The following MINPP1 variants were observed in gnomAD, a reference collection of about 807,000 sequenced individuals.
MINPP1 encodes multiple inositol-polyphosphate phosphatase 1.
In MINPP1, 28 loss-of-function variants were observed where a neutral mutation model predicts 46.1. The observed-to-expected ratio is 0.61, with a 90% CI of 0.45 to 0.83. The LOEUF is 0.83. Among genes scored for constraint, MINPP1 ranks in the 40% least tolerant of loss-of-function variants. The pLI is 0.00. For synonymous variants in MINPP1, 268 were observed against 249.1 expected (o/e 1.08, Z -0.72); for missense variants, 603 against 610.0 (o/e 0.99, Z 0.12).
intron 4 of MINPP1, among the ~76,000 whole-genome samples, chr10:87,551,823 G>T (rs1333367198): frequency 6.6e-6 from 1 of 151,994 alleles, no homozygotes; most frequent in Non-Finnish European, 1.5e-5. Flanking sequence ...TAAACTTAAA[G>T]GAAAATATGT....
At chr10:87,524,031 C>T (rs1851539657) in intron 4 of MINPP1, among the ~76,000 whole-genome samples, 1 of 152,208 alleles carries the variant, frequency 6.6e-6, no homozygotes, top group South Asian at 2.1e-4. Flanking sequence ...TTGGCTTCAA[C>T]TTACAGTCAG....
rs975893685 is a variant in MINPP1, at chr10:87,505,903, A to C, written c.637+351A>C. ...AACTGAATTGCCCCTTCGAGCGCCA[A>C]CCCATCCCTTCCCCCTTCCCTGGCG... is the stretch of plus-strand genomic sequence containing the variant. On this transcript the variant is annotated intron_variant, in intron 1 of 4. Coordinates refer to ENST00000371996, the MANE Select transcript of MINPP1 (RefSeq NM_004897.5). This position sits in a 1 kb window ranked among gnomAD's most constrained non-coding sequence, Gnocchi z 4.4. Among the ~76,000 whole-genome samples the C allele has an allele frequency of 6.6e-6, 1 of 151,626 alleles. No homozygotes were observed. The highest frequency in any genetic ancestry group is 1.5e-5 in the Non-Finnish European group (1 of 67,930).
At chr10:87,548,237 T>C (rs1416598853) in intron 4 of MINPP1, among the ~76,000 whole-genome samples, 1 of 152,186 alleles carries the variant, frequency 6.6e-6, no homozygotes, top group Non-Finnish European at 1.5e-5. Context: ...ATTTGTTCTC[T>C]GGGTTTCTCT....
chr10:87,531,999 T>G (rs1851667006), intron 4 of MINPP1, among the ~76,000 whole-genome samples: 1 of 152,212 alleles, frequency 6.6e-6, no homozygotes. Flanking sequence ...AAGCACTTAG[T>G]ATAATATGAT....
At chr10:87,522,722 T>A (rs930569424) in intron 4 of MINPP1, among the ~76,000 whole-genome samples, 1 of 152,232 alleles carries the variant, frequency 6.6e-6, no homozygotes, top group African/African-American at 2.4e-5. Flanking sequence ...AGAGTGGTGG[T>A]TGCTGAAGGC....
chr10:87,517,088 G>A (rs1851422140), intron 3 of MINPP1, among the ~76,000 whole-genome samples: 1 of 151,970 alleles, frequency 6.6e-6, no homozygotes, highest in African/African-American at 2.4e-5. Flanking sequence ...AAGAGAGAGA[G>A]GATCAGGAAA....
intron 4 of MINPP1, among the ~76,000 whole-genome samples, chr10:87,549,049 G>T (rs1324144796): frequency 1.3e-5 from 2 of 152,026 alleles, no homozygotes; most frequent in Non-Finnish European, 2.9e-5. Context: ...AAACTTCCTT[G>T]ATTTCCCATA....
chr10:87,544,065 A>G (rs1263397821), intron 4 of MINPP1, among the ~76,000 whole-genome samples: 2 of 152,230 alleles, frequency 1.3e-5, no homozygotes, highest in Non-Finnish European at 2.9e-5. Context: ...TTACAAGTTG[A>G]GGACTCAATC....
Position 87,504,978 on chromosome 10 carries a change from G to C in MINPP1, c.63G>C (p.Ala21=). The C allele has an allele frequency of 1.9e-6, 3 of 1,612,220 alleles. No homozygotes were observed. The highest frequency in any genetic ancestry group is 2.5e-6 in the Non-Finnish European group (3 of 1,179,622). Residue 21 remains alanine (A), a synonymous_variant, in exon 1 of 5, where the codon GCG becomes GCC. Coordinates refer to ENST00000371996, the MANE Select transcript of MINPP1 (RefSeq NM_004897.5). ...TSVAPAAALA[A]ALLSSLARCS... The stretch of plus-strand genomic sequence containing the variant: ...TAGCGCCTGCCGCGGCCCTGGCTGC[G>C]GCGCTGCTCTCGTCGCTTGCGCGCT...
intron 4 of MINPP1, among the ~76,000 whole-genome samples, chr10:87,524,275 C>T (rs1176942651): frequency 6.6e-6 from 1 of 152,176 alleles, no homozygotes; most frequent in African/African-American, 2.4e-5. Flanking sequence ...TTTCCTTAAA[C>T]CCCATGAGCT....
At chr10:87,519,556 A>T (rs539520090) in intron 3 of MINPP1, among the ~76,000 whole-genome samples, 1 of 152,256 alleles carries the variant, frequency 6.6e-6, no homozygotes, top group African/African-American at 2.4e-5. Context: ...CTACACTGCT[A>T]CCTTTGGAAG....
intron 4 of MINPP1, 37 bp downstream of exon 4, chr10:87,521,206 G>A: frequency 1.3e-6 from 2 of 1,569,244 alleles, no homozygotes; most frequent in Non-Finnish European, 1.7e-6. Flanking sequence ...TACATTTTGA[G>A]TTACTACTAA....
At chr10:87,519,135 A>G (rs924820903) in intron 3 of MINPP1, among the ~76,000 whole-genome samples, 4 of 62,306 alleles carry the variant, frequency 6.4e-5, no homozygotes, top group African/African-American at 1.6e-4. Flanking sequence ...AAAGACTACA[A>G]CAAGGGATAT....
At chr10:87,506,544 C>T (rs1851254214) in intron 1 of MINPP1, among the ~76,000 whole-genome samples, 1 of 152,054 alleles carries the variant, frequency 6.6e-6, no homozygotes, top group African/African-American at 2.4e-5. Context: ...AATAATTTGC[C>T]CATTTTCATA....
chr10:87,552,406 CA>C lies in MINPP1; in HGVS notation c.1393del (p.Ile465SerfsTer13), dbSNP rs1422269385. On this transcript the variant is annotated frameshift_variant, in exon 5 of 5. Transcript: ENST00000371996. LOFTEE classifies it high-confidence loss of function. ...AAGATCTGAAGAACCACTACAAGGACATCCTTCAGAGTTGTCAAACCAGTGA... is the reference window on the plus strand; with the variant it reads ...AAGATCTGAAGAACCACTACAAGGACTCCTTCAGAGTTGTCAAACCAGTGA... ...YEDLKNHYKD[I>X]LQSCQTSEEC... The C allele has an allele frequency of 6.2e-7, 1 of 1,613,412 alleles. No individual in the cohort carries two copies. Among genetic ancestry groups the C allele is most frequent in the Non-Finnish European group, 8.5e-7 (1 of 1,179,644 alleles).
At chr10:87,514,752 G>C (rs1430218037) in intron 3 of MINPP1, among the ~76,000 whole-genome samples, 2 of 152,116 alleles carry the variant, frequency 1.3e-5, no homozygotes, top group East Asian at 1.9e-4. Flanking sequence ...GTCTCTCTCT[G>C]TTGCCCAGGC....
Position 87,505,449 on chromosome 10 carries a change from G to A in MINPP1, c.534G>A (p.Arg178=). Residue 178 remains arginine, a synonymous_variant, in exon 1 of 5, where the codon CGG becomes CGA. Transcript: ENST00000371996. The surrounding 1 kb of genome is among the most constrained non-coding windows in gnomAD (Gnocchi z 4.4). ...LFSRENYGRL[R]LITSSKHRCM... ...GCCGTGAGAACTACGGCCGCCTGCG[G>A]CTCATCACCAGTTCCAAGCACCGCT... 6.2e-7 allele frequency: 1 copy of A among 1,613,376 alleles called. No individual in the cohort carries two copies. The highest frequency in any genetic ancestry group is 8.5e-7 in the Non-Finnish European group (1 of 1,179,604).
chr10:87,513,544 T>G (rs746084129), intron 3 of MINPP1, among the ~76,000 whole-genome samples: 3 of 152,214 alleles, frequency 2.0e-5, no homozygotes, highest in Non-Finnish European at 4.4e-5. Context: ...AGAGCTGATA[T>G]AATCCCAGAT....
intron 2 of MINPP1, among the ~76,000 whole-genome samples, chr10:87,512,911 T>C (rs778118825): frequency 2.6e-5 from 4 of 152,164 alleles, no homozygotes; most frequent in Non-Finnish European, 5.9e-5. Context: ...TTCCTCATGG[T>C]TTCTTCCTGA....
Sources: gnomAD v4.1 joint callset for allele counts (sites outside exome capture counted in the v4.1 genomes callset) on GRCh38, gnomAD v4.1.1 for gene constraint, Gnocchi (gnomAD v3.1) non-coding constraint, MANE v1.5 for transcripts, NCBI Gene and HGNC (gene_info 2026-07-23, HGNC 2026-07-21) for gene names.